KCTD8: variants seen among roughly 807,000 people sequenced by gnomAD.
The protein encoded by KCTD8 is potassium channel tetramerization domain containing 8, also known as BTB/POZ domain-containing protein KCTD8.
A neutral mutation model predicts 31.5 loss-of-function variants in KCTD8; 27 were observed. The ratio of observed to expected loss-of-function variants is 0.86; its 90% CI spans 0.63 to 1.18. The LOEUF (loss-of-function observed/expected upper bound fraction) is 1.18, where lower values mean the gene tolerates loss of function less well. Ranked by LOEUF, KCTD8 falls within the 50% of genes most tolerant of loss-of-function variation. KCTD8 has a pLI of 0.00. For synonymous variants in KCTD8, 290 were observed against 280.0 expected, an observed-to-expected ratio of 1.04 and a Z score of -0.36; for missense variants, 658 against 647.7, an observed-to-expected ratio of 1.02 and a Z score of -0.17.
intron 1 of KCTD8, among the ~76,000 whole-genome samples, chr4:44,416,351 G>A (rs993556986): frequency 3.3e-5 from 5 of 152,120 alleles, no homozygotes; most frequent in Non-Finnish European, 5.9e-5. Context: ...CTTGATGCTG[G>A]AATGAGTTAA....
chr4:44,430,006 G>A (rs181780222), intron 1 of KCTD8, among the ~76,000 whole-genome samples: 8 of 151,190 alleles, frequency 5.3e-5, no homozygotes, highest in Admixed American at 4.6e-4. Context: ...CTGATAGTCA[G>A]GAATGGGTGA....
At chr4:44,356,934 A>G (rs1719357870) in intron 1 of KCTD8, among the ~76,000 whole-genome samples, 1 of 152,114 alleles carries the variant, frequency 6.6e-6, no homozygotes, top group Non-Finnish European at 1.5e-5. Context: ...AAGACTCAAA[A>G]TGCTTCCATA....
chr4:44,435,853 CG>C (rs1721631946), intron 1 of KCTD8, among the ~76,000 whole-genome samples: 1 of 151,992 alleles, frequency 6.6e-6, no homozygotes, highest in Non-Finnish European at 1.5e-5. Flanking sequence ...TATAGGTGAT[CG>C]GTTGTCCTCC....
intron 1 of KCTD8, among the ~76,000 whole-genome samples, chr4:44,301,178 T>C (rs905079905): frequency 1.4e-4 from 22 of 152,152 alleles, no homozygotes; most frequent in Non-Finnish European, 2.8e-4. Context: ...AATAAACATA[T>C]GTGTGCATGT....
At chr4:44,201,318 A>G (rs1004582567) in intron 1 of KCTD8, among the ~76,000 whole-genome samples, 12 of 152,146 alleles carry the variant, frequency 7.9e-5, no homozygotes, top group African/African-American at 2.4e-4. Context: ...TCTAAAATTC[A>G]TATGGAACCA....
At chr4:44,413,983 A>G (rs1450850002) in intron 1 of KCTD8, among the ~76,000 whole-genome samples, 1 of 152,168 alleles carries the variant, frequency 6.6e-6, no homozygotes, top group East Asian at 1.9e-4. Flanking sequence ...CAACACCTAG[A>G]TGCTGAAAAA....
At chr4:44,203,395 T>C (rs1170570244) in intron 1 of KCTD8, among the ~76,000 whole-genome samples, 1 of 147,634 alleles carries the variant, frequency 6.8e-6, no homozygotes, top group Non-Finnish European at 1.5e-5. Flanking sequence ...CCCAGCTACC[T>C]GGGAGAACTG....
chr4:44,413,677 A>G (rs1721009368), intron 1 of KCTD8, among the ~76,000 whole-genome samples: 2 of 152,216 alleles, frequency 1.3e-5, no homozygotes. Flanking sequence ...TATCCAAAGA[A>G]AGAATACCTA....
chr4:44,255,859 G>A (rs1378703554), intron 1 of KCTD8, among the ~76,000 whole-genome samples: 1 of 151,886 alleles, frequency 6.6e-6, no homozygotes, highest in East Asian at 1.9e-4. Context: ...GGACACACAG[G>A]AAAGTGTTCA....
chr4:44,337,380 G>C (rs1228733445), intron 1 of KCTD8, among the ~76,000 whole-genome samples: 1 of 151,864 alleles, frequency 6.6e-6, no homozygotes, highest in Non-Finnish European at 1.5e-5. Context: ...TGTTTTCATA[G>C]AACATATACA....
intron 1 of KCTD8, among the ~76,000 whole-genome samples, chr4:44,436,780 C>A (rs1342854008): frequency 6.6e-6 from 1 of 151,900 alleles, no homozygotes; most frequent in Non-Finnish European, 1.5e-5. Flanking sequence ...AATTTTCATA[C>A]TAGAAACTTT....
At chr4:44,396,285 A>T (rs1384400691) in intron 1 of KCTD8, among the ~76,000 whole-genome samples, 2 of 152,096 alleles carry the variant, frequency 1.3e-5, no homozygotes, top group East Asian at 1.9e-4. Context: ...AGCTGTAAAT[A>T]ACAGACAAAA....
chr4:44,337,906 C>G (rs1257818995), intron 1 of KCTD8, among the ~76,000 whole-genome samples: 1 of 149,374 alleles, frequency 6.7e-6, no homozygotes, highest in Non-Finnish European at 1.5e-5. Context: ...AAACACATTT[C>G]TTTATTACAA....
Position 44,448,573 on chromosome 4 carries a change from T to A in KCTD8, c.-50A>T, listed in dbSNP as rs957008965. 7.9e-6 allele frequency: 11 copies of A among 1,388,446 alleles called. No homozygotes were observed. Among genetic ancestry groups the A allele is most frequent in the Non-Finnish European group, 1.0e-5 (11 of 1,075,106 alleles). 86.0% of individuals were successfully genotyped at this position (1,388,446 alleles called of 1,614,324 possible). Reference sequence around the variant, plus strand: ...ACCCGAGAGAGCTGCACTTTCTCGTTCCCGGAGCCCGCGCCCCAGCCCTCC... The same window carrying A: ...ACCCGAGAGAGCTGCACTTTCTCGTACCCGGAGCCCGCGCCCCAGCCCTCC... On this transcript the variant is annotated 5_prime_UTR_variant, in exon 1 of 2. Transcript: ENST00000360029. This position sits in a 1 kb window ranked among gnomAD's most constrained non-coding sequence, Gnocchi z 4.1.
intron 1 of KCTD8, among the ~76,000 whole-genome samples, chr4:44,306,203 C>A (rs914601037): frequency 6.6e-6 from 1 of 151,758 alleles, no homozygotes; most frequent in Non-Finnish European, 1.5e-5. Context: ...AAAATGAAGA[C>A]AAAAACAAAT....
At chr4:44,358,622 G>A (rs1174708896) in intron 1 of KCTD8, among the ~76,000 whole-genome samples, 1 of 151,538 alleles carries the variant, frequency 6.6e-6, no homozygotes, top group African/African-American at 2.4e-5. Flanking sequence ...AGGCTGGAGT[G>A]TAGTGGCACG....
chr4:44,213,928 T>C (rs1053687333), intron 1 of KCTD8, among the ~76,000 whole-genome samples: 1 of 152,146 alleles, frequency 6.6e-6, no homozygotes, highest in Non-Finnish European at 1.5e-5. Flanking sequence ...TTTACATCTA[T>C]AAAGAAAATT....
rs796286054 is a variant in KCTD8 at position 44,385,362 on chromosome 4, G to A, written c.961+62201C>T. Among the ~76,000 whole-genome samples, 15 of 151,696 alleles carry A rather than the reference G, an allele frequency of 9.9e-5. No homozygotes were observed. The East Asian group carries it at 1.4e-3, about 14-fold the overall frequency. ...CTGGCATAAAGATAGACATATAGAC[G>A]AAGGAAATAGAATAGAAAGCCTAGA... On this transcript the variant is annotated intron_variant, in intron 1 of 1. Coordinates refer to ENST00000360029, the MANE Select transcript of KCTD8 (RefSeq NM_198353.3).
intron 1 of KCTD8, among the ~76,000 whole-genome samples, chr4:44,213,603 A>G (rs1426670746): frequency 3.3e-5 from 5 of 152,172 alleles, no homozygotes; most frequent in Admixed American, 3.3e-4. Flanking sequence ...AGTTATTGTT[A>G]ATGTTTATCA....
Sources: gnomAD v4.1 joint callset for allele counts (sites outside exome capture counted in the v4.1 genomes callset) on GRCh38, gnomAD v4.1.1 for gene constraint, Gnocchi (gnomAD v3.1) non-coding constraint, MANE v1.5 for transcripts, NCBI Gene and HGNC (gene_info 2026-07-23, HGNC 2026-07-21) for gene names.